Variants in ABTB2 observed in about 807,000 individuals in gnomAD.
ABTB2 encodes the protein ankyrin repeat and BTB/POZ domain-containing protein 2.
ABTB2 carries 56 observed loss-of-function variants against 104.1 expected under a neutral mutation model. The ratio of observed to expected loss-of-function variants is 0.54; its 90% confidence interval spans 0.43 to 0.67. The LOEUF (loss-of-function observed/expected upper bound fraction) is 0.67, where lower values mean the gene tolerates loss of function less well. Among genes scored for constraint, ABTB2 ranks in the 30% least tolerant of loss-of-function variants. The pLI is 0.00. For synonymous variants in ABTB2, 606 were observed against 608.2 expected (o/e 1.00, Z 0.05); for missense variants, 1,279 against 1,407.7 (o/e 0.91, Z 1.46).
At position 34,357,548 on chromosome 11, in the gene ABTB2, C is replaced by T; in HGVS notation, c.36G>A (p.Leu12=). Reference sequence around the variant, plus strand: ...ACCCGGAGTCCAAGGTCAAGTCCTCCAGCGTCTTCAGAGTCGAGCTGTACG... The same window carrying T: ...ACCCGGAGTCCAAGGTCAAGTCCTCTAGCGTCTTCAGAGTCGAGCTGTACG... ...AGTYSSTLKT[L]EDLTLDSGYG... Residue 12 remains leucine (L), a synonymous_variant, in exon 1 of 17, where the codon CTG becomes CTA. Coordinates refer to ENST00000435224, the MANE Select transcript of ABTB2 (RefSeq NM_145804.3). 6.5e-7 allele frequency: 1 copy of T among 1,533,064 alleles called. No individual in the cohort carries two copies. Among genetic ancestry groups the T allele is most frequent in the Non-Finnish European group, 8.7e-7 (1 of 1,143,676 alleles). 95.0% of individuals were successfully genotyped at this position (1,533,064 alleles called of 1,614,324 possible).
At chr11:34,224,328 G>A (rs1437076487) in intron 1 of ABTB2, among the ~76,000 whole-genome samples, 2 of 151,970 alleles carry the variant, frequency 1.3e-5, no homozygotes, top group South Asian at 4.2e-4. Flanking sequence ...ATTTTTCATA[G>A]CAATGGGGTC....
In ABTB2 at chr11:34,164,835, T is replaced by C. The variant is rs1249068614; in HGVS notation, c.1853-14A>G. On this transcript the variant is annotated splice_polypyrimidine_tract_variant and intron_variant, in intron 8 of 16. Transcript: ENST00000435224. ...GCTCATAGTTCCCTGAAAGAGAAGG[T>C]GGGCAGCACGGAGGACACTGAGACA... The C allele has an allele frequency of 8.8e-6, 14 of 1,583,822 alleles. No homozygotes were observed. The highest frequency in any genetic ancestry group is 1.2e-5 in the Non-Finnish European group (14 of 1,170,712).
intron 1 of ABTB2, among the ~76,000 whole-genome samples, chr11:34,255,257 G>A (rs1470454258): frequency 6.6e-6 from 1 of 152,158 alleles, no homozygotes; most frequent in African/African-American, 2.4e-5. Flanking sequence ...TAAGGGCCTA[G>A]AGTAATTGTC....
intron 1 of ABTB2, among the ~76,000 whole-genome samples, chr11:34,345,235 C>T (rs957889888): frequency 1.3e-5 from 2 of 152,304 alleles, no homozygotes; most frequent in South Asian, 2.1e-4. Context: ...TCGCCCCAGC[C>T]GCACGGAAGG....
At chr11:34,340,858 A>T (rs930286852) in intron 1 of ABTB2, among the ~76,000 whole-genome samples, 1 of 152,196 alleles carries the variant, frequency 6.6e-6, no homozygotes, top group African/African-American at 2.4e-5. Flanking sequence ...AAGACCTCCT[A>T]GTTCAAACAA....
chr11:34,347,855 A>G (rs1404464253), intron 1 of ABTB2, among the ~76,000 whole-genome samples: 1 of 152,204 alleles, frequency 6.6e-6, no homozygotes, highest in Non-Finnish European at 1.5e-5. Context: ...TGGAAGTCGA[A>G]TATCGTATAC....
At chr11:34,341,329 A>G (rs771136235) in intron 1 of ABTB2, among the ~76,000 whole-genome samples, 8 of 152,142 alleles carry the variant, frequency 5.3e-5, no homozygotes, top group Non-Finnish European at 8.8e-5. Flanking sequence ...AGCCACAAGA[A>G]CCAATGGCCT....
At chr11:34,267,774 T>C (rs546092507) in intron 1 of ABTB2, among the ~76,000 whole-genome samples, 1 of 146,976 alleles carries the variant, frequency 6.8e-6, no homozygotes, top group African/African-American at 2.7e-5. Context: ...ACTTCCCTTA[T>C]TAAATTGCCT....
At chr11:34,175,016 C>T (rs540730303) in intron 3 of ABTB2, among the ~76,000 whole-genome samples, 1 of 152,372 alleles carries the variant, frequency 6.6e-6, no homozygotes, top group South Asian at 2.1e-4. Flanking sequence ...CCCGCCTGTG[C>T]GGTCACTGTG....
In ABTB2 at chr11:34,167,321, C is replaced by G. The variant is rs377390392; in HGVS notation, c.1693G>C (p.Asp565His). The G allele has an allele frequency of 1.9e-6, 3 of 1,613,228 alleles. No individual in the cohort carries two copies. The highest frequency in any genetic ancestry group is 2.5e-6 in the Non-Finnish European group (3 of 1,179,668). The change falls in exon 7 of 17, where the codon GAC (aspartate) becomes CAC (histidine). Residue 565 changes from aspartate (D) to histidine (H), a missense_variant. By Grantham distance (81) the Asp-to-His change is moderately conservative (BLOSUM62 -1). Coordinates refer to ENST00000435224, the MANE Select transcript of ABTB2 (RefSeq NM_145804.3). ...GTCAGTGAGGTCCAGTGCCGGCTGT[C>G]GGGGTGGATGGAAGGGTGCCTGGGG... ...NSPRHPSIHP[D>H]SRHWTSLTFA...
At chr11:34,161,888 C>T (rs752506868) in intron 10 of ABTB2, among the ~76,000 whole-genome samples, 1 of 152,130 alleles carries the variant, frequency 6.6e-6, no homozygotes, top group Non-Finnish European at 1.5e-5. Context: ...CTCTGTTTTA[C>T]GGTGAAGAAC....
At chr11:34,322,909 T>G (rs1855023154) in intron 1 of ABTB2, among the ~76,000 whole-genome samples, 1 of 152,086 alleles carries the variant, frequency 6.6e-6, no homozygotes, top group Non-Finnish European at 1.5e-5. Context: ...AATGCTTGCT[T>G]GCTTATTTAT....
At position 34,154,594 on chromosome 11, in the gene ABTB2, C is replaced by G. The variant is rs998082806; in HGVS notation, c.2766+107G>C. On this transcript the variant is annotated intron_variant, in intron 15 of 16. Transcript: ENST00000435224. The surrounding 1 kb of genome is among the most constrained non-coding windows in gnomAD (Gnocchi z 4.9). ...GTTCCTCTTTCTGGGAACTGCTCTT[C>G]CTGTCAGATGGAGAGGAAGAGCCAC... 18 of 1,172,140 alleles carry G rather than the reference C, an allele frequency of 1.5e-5. No individual in the cohort carries two copies. The Admixed American group carries it at 2.4e-4, about 16-fold the overall frequency. The allele number at this position is 1,172,140 out of a possible 1,614,324, so 72.6% of individuals were successfully genotyped here.
intron 1 of ABTB2, among the ~76,000 whole-genome samples, chr11:34,274,958 G>C (rs948368000): frequency 2.0e-5 from 3 of 152,178 alleles, no homozygotes; most frequent in African/African-American, 4.8e-5. Context: ...CAGCAGCCTG[G>C]ATGCTCCGAC....
chr11:34,260,014 G>GC (rs1375634180), intron 1 of ABTB2, among the ~76,000 whole-genome samples: 1 of 152,118 alleles, frequency 6.6e-6, no homozygotes, highest in Non-Finnish European at 1.5e-5. Context: ...TTGCCATGTT[G>GC]CTCAGGCTGG....
rs1296956162 is a variant in ABTB2 at position 34,356,835 on chromosome 11, T to C, written c.749A>G (p.His250Arg). 1 of 1,605,756 alleles carries C rather than the reference T, an allele frequency of 6.2e-7. No homozygotes were observed. Among genetic ancestry groups the C allele is most frequent in the Admixed American group, 1.7e-5 (1 of 58,890 alleles). ...TCCGGCCCCTCCGCCATCAGGGCTG[T>C]GGCTGGCCATCACCCTGGCCCGGAT... Reference protein sequence around the residue: ...EEIRARVMASHSPDGGGAGGG... With the variant: ...EEIRARVMASRSPDGGGAGGG... Residue 250 changes from histidine (H) to arginine (R), a missense_variant, in exon 1 of 17, where the codon CAC becomes CGC. By Grantham distance (29) the His-to-Arg change is conservative. Transcript: ENST00000435224. This position sits in a 1 kb window ranked among gnomAD's most constrained non-coding sequence, Gnocchi z 4.6.
chr11:34,294,808 G>A (rs1015773222), intron 1 of ABTB2, among the ~76,000 whole-genome samples: 7 of 150,928 alleles, frequency 4.6e-5, no homozygotes, highest in East Asian at 2.0e-4. Context: ...TCCACCTCCC[G>A]GGTTCAAGTG....
intron 3 of ABTB2, among the ~76,000 whole-genome samples, chr11:34,173,732 T>C (rs939952300): frequency 2.0e-5 from 3 of 152,006 alleles, no homozygotes; most frequent in African/African-American, 7.2e-5. Flanking sequence ...TCGCCAAGTG[T>C]TCTTCTATGC....
At chr11:34,212,654 A>G (rs766507971) in intron 1 of ABTB2, among the ~76,000 whole-genome samples, 2 of 152,194 alleles carry the variant, frequency 1.3e-5, no homozygotes, top group African/African-American at 2.4e-5. Flanking sequence ...GGCTCTCCCC[A>G]TGCAAACTCA....
Sources: allele counts gnomAD v4.1 joint callset (sites outside exome capture counted in the v4.1 genomes callset), GRCh38; gene constraint gnomAD v4.1.1; non-coding constraint Gnocchi (gnomAD v3.1); transcripts MANE v1.5; gene names NCBI Gene and HGNC (gene_info 2026-07-23, HGNC 2026-07-21).